NAE1: variants seen among roughly 807,000 people sequenced by gnomAD.
NAE1 encodes the protein NEDD8-activating enzyme E1 regulatory subunit.
Under a neutral mutation model 88.0 loss-of-function variants are expected in NAE1, and 59 were observed. The observed-to-expected ratio is 0.67, with a 90% CI of 0.54 to 0.83. NAE1 has a LOEUF of 0.83. Among genes scored for constraint, NAE1 ranks in the 40% least tolerant of loss-of-function variants. The pLI is 0.00. For synonymous variants in NAE1, 186 were observed against 208.9 expected (o/e 0.89, Z 0.95); for missense variants, 554 against 632.8 (o/e 0.88, Z 1.34).
intron 15 of NAE1, among the ~76,000 whole-genome samples, chr16:66,810,025 CAT>C (rs2145317105): frequency 6.6e-6 from 1 of 152,224 alleles, no homozygotes; most frequent in African/African-American, 2.4e-5. Flanking sequence ...TGTCAATGTA[CAT>C]GTGACTCAAG....
At chr16:66,809,120 G>A (rs749407949) in intron 15 of NAE1, 45 bp from the exon 16 acceptor site, 41 of 1,399,916 alleles carry the variant, frequency 2.9e-5, no homozygotes, top group Admixed American at 5.3e-5. Context: ...TGTGACTGGT[G>A]AATATTATGA....
chr16:66,830,646 G>T (rs1401273217), intron 1 of NAE1, among the ~76,000 whole-genome samples: 1 of 152,222 alleles, frequency 6.6e-6, no homozygotes, highest in Non-Finnish European at 1.5e-5. Context: ...CCGCGTGGCG[G>T]GGGAAGGGGT....
At chr16:66,815,494 C>T (rs1029467046) in intron 11 of NAE1, among the ~76,000 whole-genome samples, 2 of 151,986 alleles carry the variant, frequency 1.3e-5, no homozygotes, top group African/African-American at 2.4e-5. Flanking sequence ...GTAGCTGAGA[C>T]TACAGGTGCA....
intron 13 of NAE1, among the ~76,000 whole-genome samples, chr16:66,812,541 C>T (rs1429977036): frequency 1.7e-5 from 2 of 116,094 alleles, no homozygotes; most frequent in South Asian, 2.8e-4. Flanking sequence ...TTTTTTGAGA[C>T]GGACTCTTGC....
chr16:66,809,472 GGA>G (rs761910191), intron 15 of NAE1, among the ~76,000 whole-genome samples: 24 of 152,302 alleles, frequency 1.6e-4, no homozygotes, highest in Admixed American at 6.5e-4. Flanking sequence ...TAGTCCTAAA[GGA>G]GAGAGGTTTA....
chr16:66,808,152 A>G (rs745506746), intron 17 of NAE1, among the ~76,000 whole-genome samples: 10 of 152,156 alleles, frequency 6.6e-5, no homozygotes, highest in Non-Finnish European at 1.0e-4. Context: ...TCAGTCTCCC[A>G]AAGTGCTGGC....
At chr16:66,818,415 G>T (rs1443818030) in intron 8 of NAE1, 113 bp downstream of exon 8, 6 of 738,270 alleles carry the variant, frequency 8.1e-6, no homozygotes, top group Non-Finnish European at 1.3e-5. Context: ...TAATCGGGAT[G>T]ACAGGAATAT....
chr16:66,822,053 C>T (rs942159194), intron 6 of NAE1, among the ~76,000 whole-genome samples: 1 of 152,070 alleles, frequency 6.6e-6, no homozygotes, highest in African/African-American at 2.4e-5. Context: ...TTTTTGTAGA[C>T]ACAAGGTTTT....
chr16:66,828,361 C>T (rs958613214), intron 1 of NAE1, among the ~76,000 whole-genome samples: 1 of 151,972 alleles, frequency 6.6e-6, no homozygotes, highest in Non-Finnish European at 1.5e-5. Flanking sequence ...CACAGTGGCA[C>T]GCACCTATAA....
At position 66,826,260 on chromosome 16, in the gene NAE1, C is replaced by T. The variant is rs1308829317; in HGVS notation, c.218+263G>A. ...GATCAATACAAGAGCTTAGGAAGTGCCCATATTCCATGAATAAAGGAATAA... is the reference window on the plus strand; with the variant it reads ...GATCAATACAAGAGCTTAGGAAGTGTCCATATTCCATGAATAAAGGAATAA... On this transcript the variant is annotated intron_variant, in intron 3 of 19. Transcript: ENST00000290810. 8.7e-6 allele frequency: 4 copies of T among 457,698 alleles called. No homozygotes were observed. The East Asian group carries it at 1.6e-4, about 18-fold the overall frequency. The allele number at this position is 457,698 out of a possible 1,614,324, so 28.4% of individuals were successfully genotyped here.
Position 66,821,438 on chromosome 16 carries a change from C to A in NAE1, c.511+12G>T. 2 of 1,546,432 alleles carry A rather than the reference C, an allele frequency of 1.3e-6. No homozygotes were observed. The highest frequency in any genetic ancestry group is 2.1e-5 in the Admixed American group (1 of 46,770). Reference sequence around the variant, plus strand: ...GCAACCAATAGTAAGCCCATATGCTCAACAATTTTACCTGGATGTTCTTTT... The same window carrying A: ...GCAACCAATAGTAAGCCCATATGCTAAACAATTTTACCTGGATGTTCTTTT... On this transcript the variant is annotated intron_variant, in intron 7 of 19. Coordinates refer to ENST00000290810, the MANE Select transcript of NAE1 (RefSeq NM_003905.4).
chr16:66,818,304 T>C (rs1960128718), intron 8 of NAE1, among the ~76,000 whole-genome samples: 1 of 152,182 alleles, frequency 6.6e-6, no homozygotes, highest in South Asian at 2.1e-4. Flanking sequence ...GGGTAGTGAT[T>C]ACACAGATGT....
chr16:66,821,492 C>A lies in NAE1; in HGVS notation c.469G>T (p.Gly157Ter). 1 of 1,602,782 alleles carries A rather than the reference C, an allele frequency of 6.2e-7. No homozygotes were observed. The highest frequency in any genetic ancestry group is 1.1e-5 in the South Asian group (1 of 88,274). The change falls in exon 7 of 20, where the codon GGA becomes TGA. Residue 157 changes from glycine to a stop codon, truncating the protein, a stop_gained. Transcript: ENST00000290810. LOFTEE classifies it high-confidence loss of function. ...ATGATCCTCATATAACCAACTAGTC[C>A]ATATGTCCTACAGATCAAAAGAGGA... ...QIPLLICRTY[G>*]LVGYMRIIIK...
intron 19 of NAE1, among the ~76,000 whole-genome samples, chr16:66,804,688 A>T (rs1048558433): frequency 2.8e-4 from 42 of 152,298 alleles, no homozygotes; most frequent in African/African-American, 1.0e-3. Flanking sequence ...CATATGTTGA[A>T]ATCCTAACCC....
In NAE1 at chr16:66,813,638, T is replaced by C; in HGVS notation, c.960A>G (p.Gln320=). 1 of 1,614,118 alleles carries C rather than the reference T, an allele frequency of 6.2e-7. No homozygotes were observed. Among genetic ancestry groups the C allele is most frequent in the South Asian group, 1.1e-5 (1 of 91,064 alleles). Residue 320 remains glutamine, a synonymous_variant, in exon 13 of 20, where the codon CAA becomes CAG. Coordinates refer to ENST00000290810, the MANE Select transcript of NAE1 (RefSeq NM_003905.4). ...ALKEFVAKEG[Q]GNLPVRGTIP... Reference sequence around the variant, plus strand: ...TTGTGCCTCGAACAGGTAAATTTCCTTGACCCTCTTTGGCCACAAATTCCT... The same window carrying C: ...TTGTGCCTCGAACAGGTAAATTTCCCTGACCCTCTTTGGCCACAAATTCCT...
intron 7 of NAE1, among the ~76,000 whole-genome samples, chr16:66,820,773 C>A (rs977146702): frequency 3.3e-5 from 5 of 151,890 alleles, no homozygotes; most frequent in South Asian, 2.1e-4. Context: ...CGGTGGCGGG[C>A]GCCTGTAGTC....
At chr16:66,821,378 T>C (rs1960251239) in intron 7 of NAE1, 72 bp downstream of exon 7, 1 of 1,400,562 alleles carries the variant, frequency 7.1e-7, no homozygotes, top group Admixed American at 3.0e-5. Context: ...AAAACTGACT[T>C]TCTAAATTGT....
chr16:66,806,785 T>G (rs1959584148), intron 17 of NAE1, among the ~76,000 whole-genome samples: 1 of 152,190 alleles, frequency 6.6e-6, no homozygotes, highest in African/African-American at 2.4e-5. Flanking sequence ...CTATATTAAT[T>G]GATTGAATCC....
At position 66,817,429 on chromosome 16, in the gene NAE1, C is replaced by T; in HGVS notation, c.680G>A (p.Ser227Asn). The T allele has an allele frequency of 6.2e-7, 1 of 1,605,038 alleles. No homozygotes were observed. The highest frequency in any genetic ancestry group is 1.1e-5 in the South Asian group (1 of 89,992). Residue 227 changes from serine to asparagine, a missense_variant, in exon 9 of 20, where the codon AGT (serine) becomes AAT (asparagine). Physicochemically the swap from Ser to Asn is conservative, Grantham distance 46. Coordinates refer to ENST00000290810, the MANE Select transcript of NAE1 (RefSeq NM_003905.4). ...IIAKYLAQWY[S>N]ETNGRIPKTY... ...TTTTTTTAAAAAAGGACATACTTCA[C>T]TATACCACTGTGCTAAATATTTAGC...
Sources: allele counts gnomAD v4.1 joint callset (sites outside exome capture counted in the v4.1 genomes callset), GRCh38; gene constraint gnomAD v4.1.1; transcripts MANE v1.5; gene names NCBI Gene and HGNC (gene_info 2026-07-23, HGNC 2026-07-21).